Variants in KCNN2 observed in about 807,000 individuals in gnomAD.
KCNN2 encodes the protein potassium calcium-activated channel subfamily N member 2, also known as small conductance calcium-activated potassium channel protein 2.
KCNN2 carries 24 observed loss-of-function variants against 55.5 expected under a neutral mutation model. The ratio of observed to expected loss-of-function variants is 0.43; its 90% CI spans 0.31 to 0.61. KCNN2 has a LOEUF of 0.61. Among genes scored for constraint, KCNN2 ranks in the 20% least tolerant of loss-of-function variants. The pLI, the probability that KCNN2 is intolerant of heterozygous loss-of-function variation, is 0.08. For synonymous variants in KCNN2, 431 were observed against 336.1 expected (o/e 1.28, Z -3.09); for missense variants, 754 against 853.6 (o/e 0.88, Z 1.45).
chr5:114,363,300 G>A, intron 1 of KCNN2, 39 bp downstream of exon 1: 14 of 1,530,426 alleles, frequency 9.1e-6, no homozygotes, highest in Non-Finnish European at 1.2e-5. Flanking sequence ...CCGGAGTCGG[G>A]CACTGGGTGG....
chr5:114,182,231 A>C (rs186615098), intron 1 of KCNN2, among the ~76,000 whole-genome samples: 1 of 151,712 alleles, frequency 6.6e-6, no homozygotes, highest in Non-Finnish European at 1.5e-5. Context: ...GAGTTTCTCT[A>C]CTTCTTTGTT....
chr5:114,281,857 T>G (rs1279261560), intron 2 of KCNN2, among the ~76,000 whole-genome samples: 3 of 152,112 alleles, frequency 2.0e-5, no homozygotes, highest in Non-Finnish European at 4.4e-5. Flanking sequence ...ATTCTGATAA[T>G]TTTCTGTGTT....
intron 1 of KCNN2, among the ~76,000 whole-genome samples, chr5:114,072,233 G>A (rs1454214605): frequency 2.0e-5 from 3 of 151,846 alleles, no homozygotes; most frequent in Non-Finnish European, 2.9e-5. Context: ...CAGAGGTTGC[G>A]GTGAGCCAAG....
At chr5:114,233,739 A>G (rs993895939) in intron 2 of KCNN2, among the ~76,000 whole-genome samples, 1 of 152,222 alleles carries the variant, frequency 6.6e-6, no homozygotes, top group Admixed American at 6.5e-5. Flanking sequence ...TGAGAACACA[A>G]TGAGACTTTG....
intron 1 of KCNN2, among the ~76,000 whole-genome samples, chr5:114,171,508 A>G (rs529290285): frequency 3.3e-5 from 5 of 151,780 alleles, no homozygotes; most frequent in Admixed American, 3.3e-4. Context: ...TTTCTCCTTC[A>G]CCTCTCCTGC....
rs1309590184 is a variant in KCNN2 at position 114,449,908 on chromosome 5, A to ACACACACACACACACACGCGCGCGCG, written c.1638-13140_1638-13139insACACACACACACACACGCGCGCGCGC. Among the ~76,000 whole-genome samples the ACACACACACACACACACGCGCGCGCG allele has an allele frequency of 5.1e-4, 34 of 66,182 alleles. No homozygotes were observed. In the East Asian group the frequency reaches 0.012, roughly 24 times the overall value. 43.4% of individuals were successfully genotyped at this position (66,182 alleles called of 152,430 possible). On this transcript the variant is annotated intron_variant, in intron 3 of 7. Coordinates refer to ENST00000673685, the MANE Select transcript of KCNN2 (RefSeq NM_021614.4). ...CACACACACACACACACACACACAC[A>ACACACACACACACACACGCGCGCGCG]CGCGCGCGCTCGCGTGCGCGCACTC...
At chr5:114,334,122 C>G (rs2150034109) in intron 2 of KCNN2, among the ~76,000 whole-genome samples, 1 of 152,232 alleles carries the variant, frequency 6.6e-6, no homozygotes, top group African/African-American at 2.4e-5. Context: ...TCTGCTGATT[C>G]TGGGCCAGTC....
At chr5:114,466,574 G>GTAAGGGTATCTTTCATCTTATACTGGAA (rs1761464234) in intron 4 of KCNN2, among the ~76,000 whole-genome samples, 1 of 151,956 alleles carries the variant, frequency 6.6e-6, no homozygotes, top group East Asian at 1.9e-4. Flanking sequence ...AGCCTTGTGG[G>GTAAGGGTATCTTTCATCTTATACTGGAA]TAAGGGTATC....
chr5:114,365,195 G>C (rs1384483769), intron 2 of KCNN2, among the ~76,000 whole-genome samples: 1 of 152,102 alleles, frequency 6.6e-6, no homozygotes, highest in African/African-American at 2.4e-5. Flanking sequence ...CTTTATACTT[G>C]TAAAACTTTG....
At chr5:114,295,019 T>C (rs1338162417) in intron 2 of KCNN2, among the ~76,000 whole-genome samples, 4 of 152,216 alleles carry the variant, frequency 2.6e-5, no homozygotes, top group Non-Finnish European at 5.9e-5. Context: ...TGTTTTCCAT[T>C]TGCTTGGTAG....
chr5:114,275,082 T>G (rs568508422), intron 2 of KCNN2, among the ~76,000 whole-genome samples: 1 of 152,324 alleles, frequency 6.6e-6, no homozygotes, highest in Admixed American at 6.5e-5. Flanking sequence ...TCTCCATCTA[T>G]TGAGATAATT....
chr5:114,461,619 A>C (rs1761200337), intron 3 of KCNN2, among the ~76,000 whole-genome samples: 1 of 152,218 alleles, frequency 6.6e-6, no homozygotes, highest in Non-Finnish European at 1.5e-5. Flanking sequence ...TTGTATGTCC[A>C]AAGATAGAGT....
intron 2 of KCNN2, among the ~76,000 whole-genome samples, chr5:114,383,464 CTTTTTT>C (rs66787954): frequency 3.9e-5 from 4 of 102,696 alleles, no homozygotes; most frequent in South Asian, 6.6e-4. Flanking sequence ...CCACTAAATG[CTTTTTT>C]TTTTTTTTTT....
chr5:114,147,277 T>C (rs980199847), intron 1 of KCNN2, among the ~76,000 whole-genome samples: 1 of 139,124 alleles, frequency 7.2e-6, no homozygotes, highest in Non-Finnish European at 1.5e-5. Flanking sequence ...TTATCAATAG[T>C]GCCAGTGAAG....
chr5:114,431,053 C>T (rs963359171), intron 3 of KCNN2, among the ~76,000 whole-genome samples: 2 of 152,020 alleles, frequency 1.3e-5, no homozygotes, highest in African/African-American at 4.8e-5. Flanking sequence ...AGTCTTACGT[C>T]CTTATAATCT....
intron 1 of KCNN2, among the ~76,000 whole-genome samples, chr5:114,216,079 C>A (rs1753994799): frequency 6.6e-6 from 1 of 152,092 alleles, no homozygotes; most frequent in Non-Finnish European, 1.5e-5. Flanking sequence ...AACTGGAATT[C>A]TCCTTTCTAT....
At chr5:114,187,074 A>T (rs745855751) in intron 1 of KCNN2, among the ~76,000 whole-genome samples, 1 of 152,214 alleles carries the variant, frequency 6.6e-6, no homozygotes, top group African/African-American at 2.4e-5. Flanking sequence ...CGTAAGAGTG[A>T]TATAACATTA....
At chr5:114,089,782 G>C (rs1751097737) in intron 1 of KCNN2, among the ~76,000 whole-genome samples, 1 of 152,088 alleles carries the variant, frequency 6.6e-6, no homozygotes, top group African/African-American at 2.4e-5. Context: ...GTTTATAATG[G>C]CACATAATGT....
At chr5:114,332,040 G>C (rs1247053550) in intron 2 of KCNN2, among the ~76,000 whole-genome samples, 1 of 152,190 alleles carries the variant, frequency 6.6e-6, no homozygotes, top group Non-Finnish European at 1.5e-5. Flanking sequence ...GGGAGACTTA[G>C]ATGTGAATTA....
Sources: allele counts gnomAD v4.1 joint callset (sites outside exome capture counted in the v4.1 genomes callset), GRCh38; gene constraint gnomAD v4.1.1; transcripts MANE v1.5; gene names NCBI Gene and HGNC (gene_info 2026-07-23, HGNC 2026-07-21).